The following NTN1 variants were observed in gnomAD, a reference collection of about 807,000 sequenced individuals.
NTN1 encodes the protein netrin 1, also known as netrin-1.
NTN1 carries 11 observed loss-of-function variants against 54.2 expected under a neutral mutation model. That is an observed-to-expected ratio of 0.20 (90% CI 0.13 to 0.34). NTN1 has a LOEUF of 0.34. Ranked by LOEUF, NTN1 falls within the 10% of genes least tolerant of loss-of-function variation. The probability of loss-of-function intolerance (pLI) is 1.00; values close to 1 mark genes in which losing one functional copy is unlikely to be tolerated. For missense variants in NTN1, 740 were observed against 893.1 expected (o/e 0.83, Z 2.18); for synonymous variants, 371 against 382.0 (o/e 0.97, Z 0.33).
intron 5 of NTN1, among the ~76,000 whole-genome samples, chr17:9,201,884 A>G (rs757149199): frequency 6.6e-6 from 1 of 151,668 alleles, no homozygotes; most frequent in Non-Finnish European, 1.5e-5. Flanking sequence ...GGGAGAAGAG[A>G]TGGTTAAGAA....
chr17:9,058,290 T>A lies in NTN1; in HGVS notation c.1018+34899T>A, dbSNP rs74696813. Among the ~76,000 whole-genome samples the A allele has an allele frequency of 1.3e-4, 20 of 152,340 alleles. 1 individual carries two copies. In the East Asian group the frequency reaches 3.9e-3, roughly 29 times the overall value. On this transcript the variant is annotated intron_variant, in intron 2 of 6. Coordinates refer to ENST00000173229, the MANE Select transcript of NTN1 (RefSeq NM_004822.3). ...TGAATTCTGAGATTTTAGTGCATCA[T>A]CTGAATCATTTTTGAATAACAATCT...
At chr17:9,079,600 C>T (rs748107462) in intron 2 of NTN1, among the ~76,000 whole-genome samples, 4 of 152,128 alleles carry the variant, frequency 2.6e-5, no homozygotes, top group Non-Finnish European at 2.9e-5. Context: ...CCCAGTGGGT[C>T]TAGTTCCTGG....
At chr17:9,140,214 C>T (rs1188513995) in intron 2 of NTN1, among the ~76,000 whole-genome samples, 1 of 152,078 alleles carries the variant, frequency 6.6e-6, no homozygotes, top group East Asian at 1.9e-4. Context: ...GTGGTGTGAG[C>T]TGTGTGTGCT....
At position 9,053,271 on chromosome 17, in the gene NTN1, C is replaced by T. The variant is rs144822346; in HGVS notation, c.1018+29880C>T. Among the ~76,000 whole-genome samples the T allele has an allele frequency of 3.3e-3, 503 of 152,324 alleles. 6 individuals are homozygous for T. The highest frequency in any genetic ancestry group is 9.7e-3 in the South Asian group (47 of 4,832). ...TTTACAGAAAAATTTGTTGACCCTTCTCCTAAGCCTTTCCCCTAGACCCGC... is the reference window on the plus strand; with the variant it reads ...TTTACAGAAAAATTTGTTGACCCTTTTCCTAAGCCTTTCCCCTAGACCCGC... On this transcript the variant is annotated intron_variant, in intron 2 of 6. Transcript: ENST00000173229.
chr17:9,103,335 C>T (rs926883576), intron 2 of NTN1, among the ~76,000 whole-genome samples: 2 of 152,090 alleles, frequency 1.3e-5, no homozygotes, highest in Non-Finnish European at 2.9e-5. Flanking sequence ...TTGGCTGTGT[C>T]CCCACCCAAG....
chr17:9,105,501 T>A (rs2092162821), intron 2 of NTN1, among the ~76,000 whole-genome samples: 1 of 152,138 alleles, frequency 6.6e-6, no homozygotes, highest in Admixed American at 6.5e-5. Context: ...GGAGACGGCT[T>A]TGTTATAAAT....
chr17:9,197,173 C>T (rs1314221623), intron 5 of NTN1, among the ~76,000 whole-genome samples: 1 of 152,088 alleles, frequency 6.6e-6, no homozygotes, highest in African/African-American at 2.4e-5. Flanking sequence ...ATCGGGCCTG[C>T]ACATCTGACA....
Position 9,239,991 on chromosome 17 carries a change from G to T in NTN1, c.*23G>T. On this transcript the variant is annotated 3_prime_UTR_variant, in exon 7 of 7. Transcript: ENST00000173229. This position sits in a 1 kb window ranked among gnomAD's most constrained non-coding sequence, Gnocchi z 5.2. ...TAGCGCCGAGGCAGCGGGCGGGCGG[G>T]CGGGCGGGCGCCAGGGCGGGGCCGA... 1 of 395,400 alleles carries T rather than the reference G, an allele frequency of 2.5e-6. No individual in the cohort carries two copies. Among genetic ancestry groups the T allele is most frequent in the South Asian group, 3.4e-5 (1 of 29,090 alleles). 24.5% of individuals were successfully genotyped at this position (395,400 alleles called of 1,614,324 possible).
intron 2 of NTN1, among the ~76,000 whole-genome samples, chr17:9,155,303 T>C (rs538170097): frequency 1.3e-5 from 2 of 151,822 alleles, no homozygotes; most frequent in African/African-American, 4.8e-5. Flanking sequence ...GTTGAAGGAG[T>C]TAATGACAGT....
intron 5 of NTN1, among the ~76,000 whole-genome samples, chr17:9,205,047 A>G (rs181372881): frequency 6.6e-6 from 1 of 152,048 alleles, no homozygotes; most frequent in East Asian, 1.9e-4. Flanking sequence ...CATTACCATT[A>G]AGAGCCAGAA....
intron 2 of NTN1, among the ~76,000 whole-genome samples, chr17:9,133,586 A>AT (rs544456345): frequency 0.073 from 9,588 of 131,036 alleles, 488 homozygotes; most frequent in South Asian, 0.095. Context: ...TTCTCATTGA[A>AT]TTTTTTTTTT....
chr17:9,224,803 G>A (rs1232225844), intron 6 of NTN1, among the ~76,000 whole-genome samples: 1 of 149,522 alleles, frequency 6.7e-6, no homozygotes, highest in Non-Finnish European at 1.5e-5. Context: ...TGGGGATGGG[G>A]TGGGGGGGCA....
intron 2 of NTN1, among the ~76,000 whole-genome samples, chr17:9,110,209 T>C (rs910579506): frequency 3.3e-5 from 5 of 152,062 alleles, no homozygotes; most frequent in Non-Finnish European, 5.9e-5. Context: ...CGACATCCCT[T>C]GAGGTGCTGC....
At chr17:9,205,792 C>G (rs541047132) in intron 5 of NTN1, among the ~76,000 whole-genome samples, 26 of 152,382 alleles carry the variant, frequency 1.7e-4, no homozygotes, top group Admixed American at 9.8e-4. Flanking sequence ...CGGCCAGTGA[C>G]TTTGGATGCT....
intron 2 of NTN1, among the ~76,000 whole-genome samples, chr17:9,137,748 C>T (rs1277934233): frequency 3.3e-5 from 5 of 151,902 alleles, no homozygotes; most frequent in Admixed American, 2.0e-4. Context: ...GAGCCGAGAT[C>T]GCGCCACTGC....
chr17:9,190,097 G>A (rs938650898), intron 5 of NTN1, among the ~76,000 whole-genome samples: 2 of 152,224 alleles, frequency 1.3e-5, no homozygotes, highest in African/African-American at 4.8e-5. Context: ...AGCATGGCCT[G>A]TAGTAAGTAC....
intron 2 of NTN1, among the ~76,000 whole-genome samples, chr17:9,024,309 A>G (rs565647103): frequency 1.9e-4 from 29 of 152,208 alleles, no homozygotes; most frequent in Admixed American, 1.9e-3. Flanking sequence ...CATAAAAAGA[A>G]AAAAAGGGTG....
At chr17:9,171,665 GAGGAAACAGCCACA>G (rs985855357) in intron 3 of NTN1, 1 of 152,304 alleles carries the variant, frequency 6.6e-6, no homozygotes, top group Non-Finnish European at 1.5e-5. Flanking sequence ...GGGGTGTGGG[GAGGAAACAGCCACA>G]AGGAAGCTGA....
At chr17:9,068,095 A>G (rs1426544293) in intron 2 of NTN1, among the ~76,000 whole-genome samples, 1 of 152,180 alleles carries the variant, frequency 6.6e-6, no homozygotes, top group South Asian at 2.1e-4. Flanking sequence ...CAATCAATAA[A>G]TGTTCATTGG....
Sources: allele counts gnomAD v4.1 joint callset (sites outside exome capture counted in the v4.1 genomes callset), GRCh38; gene constraint gnomAD v4.1.1; non-coding constraint Gnocchi (gnomAD v3.1); transcripts MANE v1.5; gene names NCBI Gene and HGNC (gene_info 2026-07-23, HGNC 2026-07-21).